Variants in PTAR1 observed in about 807,000 individuals in gnomAD.
PTAR1 encodes protein prenyltransferase alpha subunit repeat containing 1.
In PTAR1, 17 loss-of-function variants were observed where a neutral mutation model predicts 45.5. The observed-to-expected ratio is 0.37, with a 90% CI of 0.26 to 0.56. PTAR1 has a LOEUF of 0.56. PTAR1 is among the 20% of genes least tolerant of loss of function. The pLI is 0.77. For synonymous variants in PTAR1, 169 were observed against 171.3 expected (o/e 0.99, Z 0.11); for missense variants, 391 against 476.3 (o/e 0.82, Z 1.67).
intron 3 of PTAR1, among the ~76,000 whole-genome samples, chr9:69,740,895 T>C (rs1305939356): frequency 2.6e-5 from 4 of 152,212 alleles, no homozygotes; most frequent in African/African-American, 7.2e-5. Context: ...CAAAATATAA[T>C]AATTTCAGCA....
rs1399373232 is a variant in PTAR1, at chr9:69,732,258, G to A, written c.523C>T (p.Arg175Ter). The A allele has an allele frequency of 3.7e-6, 6 of 1,613,492 alleles. No individual in the cohort carries two copies. The African/African-American group carries it at 4.0e-5, about 11-fold the overall frequency. Residue 175 changes from arginine to a stop codon, truncating the protein, a stop_gained, in exon 5 of 8, where the codon CGA becomes TGA. Coordinates refer to ENST00000340434, the MANE Select transcript of PTAR1 (RefSeq NM_001099666.2). LOFTEE classifies it high-confidence loss of function. ...LGTIPTERAQ[R>*]LIQEEMEVCG... ...ACCTCCATCTCTTCTTGTATGAGTC[G>A]CTGTGCCCTTTCTGTGGGAATTGTT...
intron 6 of PTAR1, among the ~76,000 whole-genome samples, chr9:69,719,553 T>C (rs1824888776): frequency 6.6e-6 from 1 of 152,166 alleles, no homozygotes; most frequent in East Asian, 1.9e-4. Flanking sequence ...GTTCCACTTT[T>C]ACAGGGGGTA....
chr9:69,756,264 T>C (rs540727254), intron 1 of PTAR1, among the ~76,000 whole-genome samples: 49 of 152,268 alleles, frequency 3.2e-4, no homozygotes, highest in African/African-American at 1.1e-3. Context: ...ACCCCTCATG[T>C]CTCACTCAGT....
At chr9:69,731,210 G>C (rs1463204238) in intron 5 of PTAR1, among the ~76,000 whole-genome samples, 1 of 152,146 alleles carries the variant, frequency 6.6e-6, no homozygotes, top group East Asian at 1.9e-4. Context: ...AGAGAAATGG[G>C]AGCATGGGAA....
rs1824651213 is a variant in PTAR1, at chr9:69,714,469, T to C, written c.*3873A>G. 1 of 152,028 alleles carries C rather than the reference T, an allele frequency of 6.6e-6. No individual in the cohort carries two copies. The highest frequency in any genetic ancestry group is 2.1e-4 in the South Asian group (1 of 4,830). 9.4% of individuals were successfully genotyped at this position (152,028 alleles called of 1,614,324 possible). A position where few individuals can be genotyped will look rare whatever the true frequency, so the allele number is the denominator to read the frequency against. Reference sequence around the variant, plus strand: ...CATCTTGTGCTATGTAAGAGAAAATTATTAAACTGACAATTTGTTTGCTTC... The same window carrying C: ...CATCTTGTGCTATGTAAGAGAAAATCATTAAACTGACAATTTGTTTGCTTC... On this transcript the variant is annotated 3_prime_UTR_variant, in exon 8 of 8. Transcript: ENST00000340434.
chr9:69,739,299 G>T (rs1825933014), intron 3 of PTAR1, among the ~76,000 whole-genome samples: 1 of 151,810 alleles, frequency 6.6e-6, no homozygotes, highest in African/African-American at 2.4e-5. Context: ...TTGCTCAAAG[G>T]TGTTTTGCTT....
chr9:69,749,006 C>A (rs1423222450), intron 2 of PTAR1, among the ~76,000 whole-genome samples: 2 of 152,146 alleles, frequency 1.3e-5, no homozygotes, highest in African/African-American at 4.8e-5. Context: ...TGTACACATG[C>A]ACGGTTGCAG....
intron 5 of PTAR1, 53 bp downstream of exon 5, chr9:69,732,086 G>A (rs1411434973): frequency 3.0e-6 from 4 of 1,320,614 alleles, no homozygotes; most frequent in Non-Finnish European, 4.3e-6. Flanking sequence ...ACTACTACCA[G>A]AAGATTTTAA....
At position 69,713,489 on chromosome 9, in the gene PTAR1, T is replaced by A. The variant is rs1824603379; in HGVS notation, c.*4853A>T. On this transcript the variant is annotated 3_prime_UTR_variant, in exon 8 of 8. Coordinates refer to ENST00000340434, the MANE Select transcript of PTAR1 (RefSeq NM_001099666.2). ...CTTCTCCATATACAAACAGATAAAA[T>A]GATACATTTAAAATTTCATCTACGC... 6.6e-6 allele frequency: 1 copy of A among 152,164 alleles called. No homozygotes were observed. Among genetic ancestry groups the A allele is most frequent in the Admixed American group, 6.6e-5 (1 of 15,252 alleles). 9.4% of individuals were successfully genotyped at this position (152,164 alleles called of 1,614,324 possible). A position where few individuals can be genotyped will look rare whatever the true frequency, so the allele number is the denominator to read the frequency against.
At position 69,759,844 on chromosome 9, in the gene PTAR1, G is replaced by A. The variant is rs1227172486; in HGVS notation, c.86+9C>T. ...CGACCCTCGGAGGCGGCGGAGGCGC[G>A]CGACTCACATGTGTGGGTTCCTCCT... On this transcript the variant is annotated intron_variant, in intron 1 of 7. Coordinates refer to ENST00000340434, the MANE Select transcript of PTAR1 (RefSeq NM_001099666.2). 3.2e-5 allele frequency: 49 copies of A among 1,516,726 alleles called. No individual in the cohort carries two copies. Among genetic ancestry groups the A allele is most frequent in the Non-Finnish European group, 4.0e-5 (45 of 1,131,636 alleles). The allele number at this position is 1,516,726 out of a possible 1,614,324, so 94.0% of individuals were successfully genotyped here.
intron 6 of PTAR1, among the ~76,000 whole-genome samples, 188 bp downstream of exon 6, chr9:69,723,138 A>AATGATGATG (rs1033164519): frequency 5.4e-4 from 2 of 3,726 alleles, no homozygotes; most frequent in African/African-American, 6.3e-4. Flanking sequence ...ATCTCTTATT[A>AATGATGATG]ATGATGATGA....
chr9:69,731,285 G>C (rs1043036943), intron 5 of PTAR1, among the ~76,000 whole-genome samples: 11 of 152,130 alleles, frequency 7.2e-5, no homozygotes, highest in African/African-American at 2.7e-4. Flanking sequence ...TTATCTGAAA[G>C]CATCACCTGG....
chr9:69,751,898 A>T (rs1826550532), intron 1 of PTAR1, among the ~76,000 whole-genome samples: 1 of 152,102 alleles, frequency 6.6e-6, no homozygotes, highest in Admixed American at 6.6e-5. Context: ...GAGATTTAAT[A>T]AACAATATGT....
intron 2 of PTAR1, among the ~76,000 whole-genome samples, chr9:69,743,132 A>C (rs985746297): frequency 6.6e-6 from 1 of 152,144 alleles, no homozygotes; most frequent in African/African-American, 2.4e-5. Context: ...GGCAGTAAGC[A>C]CTTTATTTTA....
intron 3 of PTAR1, among the ~76,000 whole-genome samples, chr9:69,737,687 T>G (rs2026795): frequency 6.6e-6 from 1 of 152,040 alleles, no homozygotes; most frequent in Non-Finnish European, 1.5e-5. Flanking sequence ...AAAACTACCA[T>G]GTATTGAACA....
intron 5 of PTAR1, among the ~76,000 whole-genome samples, chr9:69,730,466 A>G (rs151331710): frequency 4.1e-4 from 62 of 150,472 alleles, no homozygotes; most frequent in African/African-American, 1.4e-3. Flanking sequence ...TTTATCCCCA[A>G]TCCTCCCCAT....
At chr9:69,724,090 G>GTGAAAT (rs1386254778) in intron 5 of PTAR1, among the ~76,000 whole-genome samples, 1 of 152,150 alleles carries the variant, frequency 6.6e-6, no homozygotes, top group Non-Finnish European at 1.5e-5. Flanking sequence ...AATAGGCTCA[G>GTGAAAT]TGAAATTATT....
Position 69,723,630 on chromosome 9 carries a change from T to C in PTAR1, c.643A>G (p.Ile215Val). ...LQHLAKLDVK[I>V]LLDELSSTKH... ...GTAGAAGATAGTTCATCAAGAAGAA[T>C]CTTTTAAGAAGAAAAAAGGGAAGTA... The change falls in exon 6 of 8, where the codon ATT (isoleucine) becomes GTT (valine). Residue 215 changes from isoleucine to valine, a missense_variant and splice_region_variant. Ile to Val is a conservative substitution (Grantham distance 29, BLOSUM62 3). This residue lies in a region of PTAR1 where 181 missense variants were observed against 227.7 expected (regional missense o/e 0.80). Transcript: ENST00000340434. 1 of 1,593,894 alleles carries C rather than the reference T, an allele frequency of 6.3e-7. No homozygotes were observed. Among genetic ancestry groups the C allele is most frequent in the Non-Finnish European group, 8.6e-7 (1 of 1,168,930 alleles).
At chr9:69,733,223 C>G (rs1474808642) in intron 4 of PTAR1, among the ~76,000 whole-genome samples, 2 of 152,102 alleles carry the variant, frequency 1.3e-5, no homozygotes, top group African/African-American at 4.8e-5. Context: ...CCTTTCCAAA[C>G]CCCCATACAC....
Sources: gnomAD v4.1 joint callset for allele counts (sites outside exome capture counted in the v4.1 genomes callset) on GRCh38, gnomAD v4.1.1 for gene constraint, gnomAD v4.1.1 regional missense constraint, MANE v1.5 for transcripts, NCBI Gene and HGNC (gene_info 2026-07-23, HGNC 2026-07-21) for gene names.